Variants in CDIP1 observed in about 807,000 individuals in gnomAD.
The protein encoded by CDIP1 is cell death inducing p53 target 1.
CDIP1 carries 9 observed loss-of-function variants against 17.7 expected under a neutral mutation model. The ratio of observed to expected loss-of-function variants is 0.51; its 90% CI spans 0.31 to 0.89. CDIP1 has a LOEUF of 0.89. CDIP1 is among the 40% of genes least tolerant of loss of function. CDIP1 has a pLI of 0.05. For missense variants in CDIP1, 263 were observed against 277.9 expected (o/e 0.95, Z 0.38); for synonymous variants, 117 against 109.5 (o/e 1.07, Z -0.43).
At chr16:4,516,771 G>A (rs1240094735) in intron 1 of CDIP1, among the ~76,000 whole-genome samples, 1 of 137,572 alleles carries the variant, frequency 7.3e-6, no homozygotes, top group Non-Finnish European at 1.5e-5. Flanking sequence ...GCAGTGGCGC[G>A]ATCCTGGCTC....
At chr16:4,515,516 A>AT (rs1409180989) in intron 1 of CDIP1, among the ~76,000 whole-genome samples, 14 of 152,248 alleles carry the variant, frequency 9.2e-5, no homozygotes, top group Non-Finnish European at 1.5e-5. Context: ...AAAGGATACC[A>AT]TCACATTTTA....
rs1285222165 is a variant in CDIP1, at chr16:4,529,137, CT to C, written c.-105+9564del. Among the ~76,000 whole-genome samples, 7 of 152,310 alleles carry C rather than the reference CT, an allele frequency of 4.6e-5. No individual in the cohort carries two copies. In the East Asian group the frequency reaches 1.4e-3, roughly 29 times the overall value. ...GTGGCCTCCTCTCCAAAGCCAGCCC[CT>C]TATGGCCATAGGTCTCCCATGAGTT... On this transcript the variant is annotated intron_variant, in intron 1 of 5. Coordinates refer to ENST00000567695, the MANE Select transcript of CDIP1 (RefSeq NM_013399.3).
At position 4,514,946 on chromosome 16, in the gene CDIP1, G is replaced by C. The variant is rs997586117; in HGVS notation, c.-104-282C>G. The C allele has an allele frequency of 2.0e-5, 3 of 152,502 alleles. No individual in the cohort carries two copies. Among genetic ancestry groups the C allele is most frequent in the Admixed American group, 6.5e-5 (1 of 15,292 alleles). 9.4% of individuals were successfully genotyped at this position (152,502 alleles called of 1,614,324 possible). On this transcript the variant is annotated intron_variant, in intron 1 of 5. Transcript: ENST00000567695. The surrounding 1 kb of genome is among the most constrained non-coding windows in gnomAD (Gnocchi z 5.2). The stretch of plus-strand genomic sequence containing the variant: ...CCTGAGCTCCCATGCATGAGGACTG[G>C]ACTGCCAGGCAAGCTGTGCTCTGGC...
chr16:4,532,520 C>T (rs1258336184), intron 1 of CDIP1: 3 of 152,274 alleles, frequency 2.0e-5, no homozygotes, highest in African/African-American at 7.2e-5. Flanking sequence ...GGTCCTCTGG[C>T]CACAGCAGGA....
chr16:4,517,234 A>G (rs1237858695), intron 1 of CDIP1, among the ~76,000 whole-genome samples: 1 of 152,142 alleles, frequency 6.6e-6, no homozygotes, highest in African/African-American at 2.4e-5. Context: ...TTAAAATGTC[A>G]CTTATTTTTA....
chr16:4,524,205 T>C lies in CDIP1; in HGVS notation c.-104-9541A>G, dbSNP rs550936812. On this transcript the variant is annotated intron_variant, in intron 1 of 5. Coordinates refer to ENST00000567695, the MANE Select transcript of CDIP1 (RefSeq NM_013399.3). ...TTGGAAGGCTGAACAAAATCCCACATGTAGATGTCCAGGCTGTATTGCTGG... is the reference window on the plus strand; with the variant it reads ...TTGGAAGGCTGAACAAAATCCCACACGTAGATGTCCAGGCTGTATTGCTGG... 4 of 152,370 alleles carry C rather than the reference T, an allele frequency of 2.6e-5. No individual in the cohort carries two copies. The South Asian group carries it at 8.3e-4, about 32-fold the overall frequency. The allele number at this position is 152,370 out of a possible 1,614,324, so 9.4% of individuals were successfully genotyped here. A position where few individuals can be genotyped will look rare whatever the true frequency, so the allele number is the denominator to read the frequency against.
intron 1 of CDIP1, among the ~76,000 whole-genome samples, chr16:4,528,989 C>CA (rs1397567416): frequency 3.9e-5 from 6 of 151,934 alleles, no homozygotes; most frequent in Non-Finnish European, 8.8e-5. Flanking sequence ...AACTCCATCT[C>CA]AAAAAAATAT....
chr16:4,527,847 G>A lies in CDIP1; in HGVS notation c.-105+10855C>T, dbSNP rs140676136. Among the ~76,000 whole-genome samples the A allele has an allele frequency of 8.7e-4, 133 of 152,116 alleles. 1 individual carries two copies. Among genetic ancestry groups the A allele is most frequent in the Non-Finnish European group, 1.4e-3 (95 of 67,976 alleles). On this transcript the variant is annotated intron_variant, in intron 1 of 5. Coordinates refer to ENST00000567695, the MANE Select transcript of CDIP1 (RefSeq NM_013399.3). ...TTTTTGTTTTTTGAGATGGAGTCTC[G>A]CTCTTGTTGCCCAGGCTGGAATGCA... is the stretch of plus-strand genomic sequence containing the variant.
Position 4,513,836 on chromosome 16 carries a change from G to T in CDIP1, c.101C>A (p.Ala34Asp), listed in dbSNP as rs773833337. The T allele has an allele frequency of 6.3e-7, 1 of 1,585,540 alleles. No homozygotes were observed. The highest frequency in any genetic ancestry group is 2.2e-5 in the East Asian group (1 of 44,470). The part of the protein sequence containing the change: ...APPTPGRSSP[A>D]VMQPPPGMPL... ...CATGCCTGGAGGGGGCTGCATCACA[G>T]CTGGGGAGGAACGGCCTGGACAGAG... The change falls in exon 4 of 6, where the codon GCT (alanine) becomes GAT (aspartate). Residue 34 changes from alanine (A) to aspartate (D), a missense_variant. Physicochemically the swap from Ala to Asp is moderately radical, Grantham distance 126. Coordinates refer to ENST00000567695, the MANE Select transcript of CDIP1 (RefSeq NM_013399.3). This position sits in a 1 kb window ranked among gnomAD's most constrained non-coding sequence, Gnocchi z 4.1.
In CDIP1 at chr16:4,512,902, C is replaced by T; in HGVS notation, c.404G>A (p.Gly135Glu). The stretch of plus-strand genomic sequence containing the variant: ...GGGACACACCGTCTGCACAGGCGCT[C>T]CCTCAAAGATCTCTCCCTGCAGCAC... Reference protein sequence around the residue: ...VTVLQGEIFEGAPVQTVCPHC... With the variant: ...VTVLQGEIFEEAPVQTVCPHC... Residue 135 changes from glycine to glutamate, a missense_variant, in exon 5 of 6, where the codon GGA becomes GAA. Physicochemically the swap from Gly to Glu is moderately conservative, Grantham distance 98. Coordinates refer to ENST00000567695, the MANE Select transcript of CDIP1 (RefSeq NM_013399.3). This position sits in a 1 kb window ranked among gnomAD's most constrained non-coding sequence, Gnocchi z 4.6. The T allele has an allele frequency of 6.4e-7, 1 of 1,571,514 alleles. No homozygotes were observed. Among genetic ancestry groups the T allele is most frequent in the Non-Finnish European group, 8.6e-7 (1 of 1,158,218 alleles).
chr16:4,530,504 C>G lies in CDIP1; in HGVS notation c.-105+8198G>C, dbSNP rs544539618. Among the ~76,000 whole-genome samples the G allele has an allele frequency of 2.3e-3, 352 of 152,172 alleles. 1 individual carries two copies. Among genetic ancestry groups the G allele is most frequent in the African/African-American group, 8.0e-3 (334 of 41,532 alleles). ...ATCTCTACTAGAAATACAAAATTAG[C>G]CGGGCGTGGTGGCACATGCCTGTAA... On this transcript the variant is annotated intron_variant, in intron 1 of 5. Coordinates refer to ENST00000567695, the MANE Select transcript of CDIP1 (RefSeq NM_013399.3).
intron 1 of CDIP1, among the ~76,000 whole-genome samples, chr16:4,526,657 G>T (rs1032694746): frequency 3.4e-5 from 5 of 148,686 alleles, no homozygotes; most frequent in Non-Finnish European, 7.4e-5. Flanking sequence ...CTGAGATCGC[G>T]CCACTACACT....
At chr16:4,532,302 G>C (rs2059064532) in intron 1 of CDIP1, 1 of 152,296 alleles carries the variant, frequency 6.6e-6, no homozygotes, top group Non-Finnish European at 1.5e-5. Flanking sequence ...GAAGATGGCA[G>C]ATCAACGTCT....
rs80125070 is a variant in CDIP1 at position 4,515,676 on chromosome 16, T to C, written c.-104-1012A>G. ...GCACATGAAAAACTACTGAGCGTCT[T>C]TTCATAAGGGAAATGAAAACCAAAA... On this transcript the variant is annotated intron_variant, in intron 1 of 5. Transcript: ENST00000567695. Among the ~76,000 whole-genome samples the C allele has an allele frequency of 9.7e-3, 1,474 of 152,332 alleles. 19 individuals carry two copies. The highest frequency in any genetic ancestry group is 0.034 in the African/African-American group (1,393 of 41,562).
Position 4,514,001 on chromosome 16 carries a change from G to A in CDIP1, c.85+45C>T, listed in dbSNP as rs778451841. The stretch of plus-strand genomic sequence containing the variant: ...TAGAGAGTCCCAACCATGCCATGGC[G>A]GCAGGGGGCTGCAATATGGAGCCTC... On this transcript the variant is annotated intron_variant, in intron 3 of 5. Transcript: ENST00000567695. This position sits in a 1 kb window ranked among gnomAD's most constrained non-coding sequence, Gnocchi z 5.2. 5.6e-5 allele frequency: 76 copies of A among 1,361,078 alleles called. No individual in the cohort carries two copies. The East Asian group carries it at 1.0e-3, about 18-fold the overall frequency. The allele number at this position is 1,361,078 out of a possible 1,614,324, so 84.3% of individuals were successfully genotyped here. A position where few individuals can be genotyped will look rare whatever the true frequency, so the allele number is the denominator to read the frequency against.
At chr16:4,525,605 T>C (rs2058991746) in intron 1 of CDIP1, among the ~76,000 whole-genome samples, 2 of 152,136 alleles carry the variant, frequency 1.3e-5, no homozygotes, top group Admixed American at 1.3e-4. Flanking sequence ...CCCAAGTCCA[T>C]GTGGGACCAG....
At chr16:4,535,189 C>G (rs775417801) in intron 1 of CDIP1, among the ~76,000 whole-genome samples, 1 of 152,174 alleles carries the variant, frequency 6.6e-6, no homozygotes, top group Non-Finnish European at 1.5e-5. Context: ...GGGACTAGAT[C>G]TGAATTCAGA....
chr16:4,523,196 C>T (rs545065292), intron 1 of CDIP1, among the ~76,000 whole-genome samples: 3 of 152,278 alleles, frequency 2.0e-5, no homozygotes, highest in South Asian at 2.1e-4. Context: ...GCACATCCTC[C>T]GTGCCAGATA....
At chr16:4,532,007 A>T (rs2059061288) in intron 1 of CDIP1, among the ~76,000 whole-genome samples, 1 of 152,198 alleles carries the variant, frequency 6.6e-6, no homozygotes, top group Non-Finnish European at 1.5e-5. Flanking sequence ...AGTGCCTCTG[A>T]GCTAATAGGC....
Sources: gnomAD v4.1 joint callset for allele counts (sites outside exome capture counted in the v4.1 genomes callset) on GRCh38, gnomAD v4.1.1 for gene constraint, Gnocchi (gnomAD v3.1) non-coding constraint, MANE v1.5 for transcripts, NCBI Gene and HGNC (gene_info 2026-07-23, HGNC 2026-07-21) for gene names.